AHRR: variants seen among roughly 807,000 people sequenced by gnomAD.
AHRR encodes the protein aryl hydrocarbon receptor repressor.
AHRR carries 28 observed loss-of-function variants against 44.0 expected under a neutral mutation model. That is an observed-to-expected ratio of 0.64 (90% CI 0.47 to 0.87). The LOEUF is 0.87. Among genes scored for constraint, AHRR ranks in the 40% least tolerant of loss-of-function variants. The pLI, the probability that AHRR is intolerant of heterozygous loss-of-function variation, is 0.00. For missense variants in AHRR, 990 were observed against 953.9 expected (o/e 1.04, Z -0.50); for synonymous variants, 434 against 407.0 (o/e 1.07, Z -0.80).
chr5:438,199 C>G lies in AHRR; in HGVS notation c.*3365C>G, dbSNP rs965233882. 2 of 152,300 alleles carry G rather than the reference C, an allele frequency of 1.3e-5. No homozygotes were observed. Among genetic ancestry groups the G allele is most frequent in the Non-Finnish European group, 2.9e-5 (2 of 68,028 alleles). 9.4% of individuals were successfully genotyped at this position (152,300 alleles called of 1,614,324 possible). A position where few individuals can be genotyped will look rare whatever the true frequency, so the allele number is the denominator to read the frequency against. On this transcript the variant is annotated 3_prime_UTR_variant, in exon 11 of 11. Coordinates refer to ENST00000684583, the MANE Select transcript of AHRR (RefSeq NM_001377236.1). ...CTGCTTTCTCAGTGCCTTTAGGAAG[C>G]TTTCAAATTTTTTTGTACTGTGGTT...
At chr5:398,292 TGTTAGCCCCTGACCTTCCGC>T (rs1394923231) in intron 4 of AHRR, among the ~76,000 whole-genome samples, 1 of 148,772 alleles carries the variant, frequency 6.7e-6, no homozygotes, top group Non-Finnish European at 1.5e-5. Context: ...TGACCATCCG[TGTTAGCCCCTGACCTTCCGC>T]GTTAGCCCCG....
chr5:434,974 G>A lies in AHRR; in HGVS notation c.*140G>A, dbSNP rs1579720413. On this transcript the variant is annotated 3_prime_UTR_variant, in exon 11 of 11. Transcript: ENST00000684583. ...AGCTGTGCATGCGCAGTCTGCTAGT[G>A]TGTGTGTGCAGCATACGCAGGAGCC... The A allele has an allele frequency of 1.6e-6, 2 of 1,231,834 alleles. No homozygotes were observed. The highest frequency in any genetic ancestry group is 2.6e-5 in the East Asian group (1 of 38,984). 76.3% of individuals were successfully genotyped at this position (1,231,834 alleles called of 1,614,324 possible).
In AHRR at chr5:395,329, C is replaced by T. The variant is rs867140301; in HGVS notation, c.352-18015C>T. Among the ~76,000 whole-genome samples, 2 of 152,186 alleles carry T rather than the reference C, an allele frequency of 1.3e-5. No homozygotes were observed. The highest frequency in any genetic ancestry group is 4.8e-5 in the African/African-American group (2 of 41,452). ...CGGTGGTGGGATGCAGTTAGCTGAA[C>T]GCCAGGCTGAGCAGGGTCCGAAAAT... On this transcript the variant is annotated intron_variant, in intron 4 of 10. Coordinates refer to ENST00000684583, the MANE Select transcript of AHRR (RefSeq NM_001377236.1). The surrounding 1 kb of genome is among the most constrained non-coding windows in gnomAD (Gnocchi z 5.3).
At chr5:333,845 C>T (rs970101572) in intron 1 of AHRR, among the ~76,000 whole-genome samples, 7 of 152,052 alleles carry the variant, frequency 4.6e-5, no homozygotes, top group Non-Finnish European at 8.8e-5. Context: ...TGTGTGTTTC[C>T]ATAATGGTGA....
chr5:332,377 C>T (rs1215031412), intron 1 of AHRR, among the ~76,000 whole-genome samples: 3 of 150,748 alleles, frequency 2.0e-5, no homozygotes, highest in Non-Finnish European at 2.9e-5. Flanking sequence ...AAGTGATTCT[C>T]CTGCCTCAGC....
chr5:412,633 A>T (rs959455950), intron 4 of AHRR, among the ~76,000 whole-genome samples: 1 of 152,138 alleles, frequency 6.6e-6, no homozygotes, highest in Non-Finnish European at 1.5e-5. Context: ...AAAATCTATC[A>T]ATCACACACT....
chr5:354,398 C>T (rs1742971165), intron 3 of AHRR, among the ~76,000 whole-genome samples: 1 of 152,148 alleles, frequency 6.6e-6, no homozygotes, highest in African/African-American at 2.4e-5. Flanking sequence ...GTGCCGGGCG[C>T]CTCCCCCTGC....
intron 5 of AHRR, among the ~76,000 whole-genome samples, chr5:422,098 C>A (rs1462608794): frequency 6.6e-6 from 1 of 152,084 alleles, no homozygotes; most frequent in Non-Finnish European, 1.5e-5. Context: ...CTTCCTCAGG[C>A]GCCGACACGC....
intron 4 of AHRR, among the ~76,000 whole-genome samples, chr5:402,188 G>A (rs369787230): frequency 2.6e-4 from 40 of 152,350 alleles, no homozygotes; most frequent in African/African-American, 9.1e-4. Flanking sequence ...GTTTGTAGGT[G>A]GAAAGGTGCT....
At chr5:421,807 G>A (rs932787800) in intron 5 of AHRR, among the ~76,000 whole-genome samples, 30 of 152,316 alleles carry the variant, frequency 2.0e-4, no homozygotes, top group Admixed American at 9.1e-4. Flanking sequence ...TTGCCATTGG[G>A]TTGCTTGAAG....
rs1379881714 is a variant in AHRR, at chr5:388,097, G to A, written c.351+11381G>A. On this transcript the variant is annotated intron_variant, in intron 4 of 10. Transcript: ENST00000684583. This position sits in a 1 kb window ranked among gnomAD's most constrained non-coding sequence, Gnocchi z 5.2. ...TCTCAGCTTCGTGACATCCGCCACT[G>A]TCCTATGTCCCAATACAGGAAGGTC... Among the ~76,000 whole-genome samples the A allele has an allele frequency of 6.6e-6, 1 of 152,232 alleles. No homozygotes were observed. The highest frequency in any genetic ancestry group is 1.5e-5 in the Non-Finnish European group (1 of 68,044).
Position 326,234 on chromosome 5 carries a change from C to G in AHRR, c.-11+4415C>G, listed in dbSNP as rs1363240911. ...CCTCTTCATCGCCTCCGGCAGTGCT[C>G]ACCCACCAGGCAGTCACTCCCCAGT... On this transcript the variant is annotated intron_variant, in intron 1 of 10. Transcript: ENST00000684583. The surrounding 1 kb of genome is among the most constrained non-coding windows in gnomAD (Gnocchi z 4.1). 6.6e-6 allele frequency among the ~76,000 whole-genome samples: 1 copy of G among 152,230 alleles called. No homozygotes were observed. Among genetic ancestry groups the G allele is most frequent in the Non-Finnish European group, 1.5e-5 (1 of 68,038 alleles).
Position 419,468 on chromosome 5 carries a change from A to G in AHRR, c.442-3261A>G, listed in dbSNP as rs1735972261. 6.6e-6 allele frequency among the ~76,000 whole-genome samples: 1 copy of G among 152,138 alleles called. No individual in the cohort carries two copies. The highest frequency in any genetic ancestry group is 2.4e-5 in the African/African-American group (1 of 41,434). On this transcript the variant is annotated intron_variant, in intron 5 of 10. Transcript: ENST00000684583. The surrounding 1 kb of genome is among the most constrained non-coding windows in gnomAD (Gnocchi z 4.4). ...AGGCGTGAACCACTGTGCCCGGCTGAGAGTTTTAGTCTTTTAAGCAACATT... is the reference window on the plus strand; with the variant it reads ...AGGCGTGAACCACTGTGCCCGGCTGGGAGTTTTAGTCTTTTAAGCAACATT...
At chr5:397,433 G>A (rs1159646526) in intron 4 of AHRR, among the ~76,000 whole-genome samples, 7 of 90,706 alleles carry the variant, frequency 7.7e-5, no homozygotes, top group Non-Finnish European at 1.6e-4. Flanking sequence ...GACCATCCAC[G>A]TAGCTCCTGA....
intron 7 of AHRR, among the ~76,000 whole-genome samples, chr5:426,840 CATGG>C (rs1438752378): frequency 1.9e-5 from 2 of 107,922 alleles, no homozygotes; most frequent in Non-Finnish European, 3.8e-5. Flanking sequence ...TGGGTGGAAA[CATGG>C]ATAGATGGAT....
At chr5:324,353 G>A (rs567801876) in intron 1 of AHRR, among the ~76,000 whole-genome samples, 2 of 151,688 alleles carry the variant, frequency 1.3e-5, no homozygotes, top group South Asian at 4.2e-4. Context: ...ACAGACATGA[G>A]CCACCACGCC....
intron 3 of AHRR, among the ~76,000 whole-genome samples, chr5:373,217 T>G (rs1481420159): frequency 6.6e-6 from 1 of 152,218 alleles, no homozygotes; most frequent in Non-Finnish European, 1.5e-5. Context: ...ACTGTTCACC[T>G]CTGAGAGGGC....
intron 5 of AHRR, among the ~76,000 whole-genome samples, chr5:415,144 G>A (rs182842014): frequency 3.9e-5 from 6 of 152,266 alleles, no homozygotes; most frequent in African/African-American, 7.2e-5. Context: ...GCCGCTAGGC[G>A]CTGGGGGAAG....
rs552212734 is a variant in AHRR at position 370,191 on chromosome 5, G to C, written c.245-6419G>C. Among the ~76,000 whole-genome samples, 2 of 69,168 alleles carry C rather than the reference G, an allele frequency of 2.9e-5. No individual in the cohort carries two copies. The highest frequency in any genetic ancestry group is 5.8e-4 in the East Asian group (2 of 3,430). 45.4% of individuals were successfully genotyped at this position (69,168 alleles called of 152,430 possible). A position where few individuals can be genotyped will look rare whatever the true frequency, so the allele number is the denominator to read the frequency against. On this transcript the variant is annotated intron_variant, in intron 3 of 10. Transcript: ENST00000684583. This position sits in a 1 kb window ranked among gnomAD's most constrained non-coding sequence, Gnocchi z 4.5. ...GGAAGCCCCGTCCTCCCGGGCCCTC[G>C]CTGGTGCCCCGTCCTCCCGGGCCCT...
Sources: allele counts gnomAD v4.1 joint callset (sites outside exome capture counted in the v4.1 genomes callset), GRCh38; gene constraint gnomAD v4.1.1; non-coding constraint Gnocchi (gnomAD v3.1); transcripts MANE v1.5; gene names NCBI Gene and HGNC (gene_info 2026-07-23, HGNC 2026-07-21).